ABL2: variants seen among roughly 807,000 people sequenced by gnomAD.
The protein encoded by ABL2 is ABL proto-oncogene 2, non-receptor tyrosine kinase, also known as tyrosine-protein kinase ABL2.
A neutral mutation model predicts 107.7 loss-of-function variants in ABL2; 49 were observed. That is an observed-to-expected ratio of 0.45 (90% CI 0.36 to 0.58). ABL2 has a LOEUF of 0.58. Among genes scored for constraint, ABL2 ranks in the 20% least tolerant of loss-of-function variants. The probability of loss-of-function intolerance (pLI) is 0.00; values close to 1 mark genes in which losing one functional copy is unlikely to be tolerated. For missense variants in ABL2, 1,245 were observed against 1,457.0 expected, an observed-to-expected ratio of 0.85 and a Z score of 2.37; for synonymous variants, 549 against 548.6, an observed-to-expected ratio of 1.00 and a Z score of -0.01.
At chr1:179,136,709 A>AAATAAAT (rs1657031861) in intron 1 of ABL2, among the ~76,000 whole-genome samples, 13 of 140,642 alleles carry the variant, frequency 9.2e-5, no homozygotes, top group Non-Finnish European at 1.8e-4. Flanking sequence ...TGATCAATAA[A>AAATAAAT]AAATAAATAA....
intron 1 of ABL2, among the ~76,000 whole-genome samples, chr1:179,168,789 T>C (rs1659541825): frequency 1.3e-5 from 2 of 152,076 alleles, no homozygotes; most frequent in Non-Finnish European, 2.9e-5. Context: ...AGGAAGTATG[T>C]GAACAAAAAA....
At chr1:179,124,977 T>G (rs1655606076) in intron 4 of ABL2, among the ~76,000 whole-genome samples, 1 of 152,194 alleles carries the variant, frequency 6.6e-6, no homozygotes, top group Non-Finnish European at 1.5e-5. Flanking sequence ...CTCATATCTA[T>G]TAGGAGTCCT....
At chr1:179,208,193 G>T (rs1043495580) in intron 1 of ABL2, among the ~76,000 whole-genome samples, 1 of 152,088 alleles carries the variant, frequency 6.6e-6, no homozygotes, top group African/African-American at 2.4e-5. Context: ...TACATGTGCA[G>T]ATTTGTCACA....
At position 179,131,342 on chromosome 1, in the gene ABL2, T is replaced by G. The variant is rs779203285; in HGVS notation, c.360A>C (p.Ala120=). The change falls in exon 3 of 12, where the codon GCA becomes GCC. Residue 120 remains alanine (A), a synonymous_variant. Transcript: ENST00000502732. ...TGATGCTGAGTGTGTTATCACCACT[T>G]GCTACAAAATCATAAAGTGCAACGA... ...NLFVALYDFV[A]SGDNTLSITK... 1 of 1,614,094 alleles carries G rather than the reference T, an allele frequency of 6.2e-7. No individual in the cohort carries two copies. Among genetic ancestry groups the G allele is most frequent in the Non-Finnish European group, 8.5e-7 (1 of 1,179,982 alleles).
chr1:179,212,568 AC>A (rs1218147375), intron 1 of ABL2, among the ~76,000 whole-genome samples: 1 of 151,726 alleles, frequency 6.6e-6, no homozygotes, highest in African/African-American at 2.4e-5. Flanking sequence ...CCCTGTCTCT[AC>A]TACAAATAAC....
At chr1:179,221,366 G>A (rs1409788929) in intron 1 of ABL2, among the ~76,000 whole-genome samples, 1 of 152,154 alleles carries the variant, frequency 6.6e-6, no homozygotes, top group Non-Finnish European at 1.5e-5. Flanking sequence ...CAAGGCAGGT[G>A]AATTACTTGA....
In ABL2 at chr1:179,120,083, C is replaced by T. The variant is rs555415912; in HGVS notation, c.1045+107G>A. The T allele has an allele frequency of 2.8e-4, 184 of 656,410 alleles. No individual in the cohort carries two copies. The South Asian group carries it at 4.1e-3, about 15-fold the overall frequency. 40.7% of individuals were successfully genotyped at this position (656,410 alleles called of 1,614,324 possible). On this transcript the variant is annotated intron_variant, in intron 6 of 11. Transcript: ENST00000502732. ...CAGCAGCCTGGACAACAGAGCGAGA[C>T]CCTGTCTCTATATTTAAAAAGAAAA...
intron 1 of ABL2, among the ~76,000 whole-genome samples, chr1:179,163,661 C>T (rs764443429): frequency 3.9e-5 from 6 of 152,064 alleles, no homozygotes; most frequent in Non-Finnish European, 7.4e-5. Context: ...GCAGGAGAAT[C>T]GCTTGAACCC....
At chr1:179,193,190 T>A (rs1286522356) in intron 1 of ABL2, among the ~76,000 whole-genome samples, 2 of 151,646 alleles carry the variant, frequency 1.3e-5, no homozygotes, top group African/African-American at 4.8e-5. Context: ...AGAAAAAAAA[T>A]ATAATAATCT....
intron 1 of ABL2, among the ~76,000 whole-genome samples, chr1:179,228,501 C>T (rs1204959195): frequency 1.3e-5 from 2 of 152,122 alleles, no homozygotes; most frequent in Admixed American, 6.5e-5. Flanking sequence ...CACACGCACA[C>T]ACTACAAAGG....
In ABL2 at chr1:179,105,439, CCTTAAAAGGCTAG is replaced by C; in HGVS notation, c.*2266_*2278del. The C allele has an allele frequency of 4.3e-6, 1 of 231,168 alleles. No homozygotes were observed. The highest frequency in any genetic ancestry group is 5.6e-5 in the Admixed American group (1 of 17,754). The allele number at this position is 231,168 out of a possible 1,614,324, so 14.3% of individuals were successfully genotyped here. A position where few individuals can be genotyped will look rare whatever the true frequency, so the allele number is the denominator to read the frequency against. On this transcript the variant is annotated 3_prime_UTR_variant, in exon 12 of 12. Coordinates refer to ENST00000502732, the MANE Select transcript of ABL2 (RefSeq NM_007314.4). Reference sequence around the variant, plus strand: ...ACAGTTTTAGCTTTCCCATCCTCGACCTTAAAAGGCTAGCTGCTAAAACGAGTTCTTCAAGTTT... The same window carrying C: ...ACAGTTTTAGCTTTCCCATCCTCGACCTGCTAAAACGAGTTCTTCAAGTTT...
chr1:179,103,308 A>G lies in ABL2; in HGVS notation c.*4410T>C, dbSNP rs565383604. On this transcript the variant is annotated 3_prime_UTR_variant, in exon 12 of 12. Transcript: ENST00000502732. ...TAAATGACAGAGGTGATTCTTACGT[A>G]TCTACATTTTCAGGTACCCCACAGG... The G allele has an allele frequency of 5.3e-5, 11 of 206,948 alleles. No homozygotes were observed. The South Asian group carries it at 7.6e-4, about 14-fold the overall frequency. The allele number at this position is 206,948 out of a possible 1,614,324, so 12.8% of individuals were successfully genotyped here. A position where few individuals can be genotyped will look rare whatever the true frequency, so the allele number is the denominator to read the frequency against.
At chr1:179,135,197 T>C (rs1198817051) in intron 1 of ABL2, among the ~76,000 whole-genome samples, 2 of 150,280 alleles carry the variant, frequency 1.3e-5, no homozygotes, top group Admixed American at 6.6e-5. Context: ...GCCCATCGTC[T>C]GGGATGTGAG....
intron 1 of ABL2, among the ~76,000 whole-genome samples, chr1:179,208,761 A>C (rs28991593): frequency 6.6e-6 from 1 of 152,182 alleles, no homozygotes; most frequent in African/African-American, 2.4e-5. Flanking sequence ...TAGTAGGATA[A>C]TGTGTCTGAC....
intron 4 of ABL2, among the ~76,000 whole-genome samples, chr1:179,124,625 T>G (rs1655571863): frequency 6.6e-6 from 1 of 152,126 alleles, no homozygotes; most frequent in Non-Finnish European, 1.5e-5. Flanking sequence ...CGTGCCACCA[T>G]GCCAGGCCAA....
At chr1:179,137,615 T>C (rs1358147167) in intron 1 of ABL2, 2 of 152,150 alleles carry the variant, frequency 1.3e-5, no homozygotes, top group African/African-American at 4.8e-5. Context: ...TTAGAAATAG[T>C]AATAAGCAGA....
At chr1:179,175,489 A>G (rs1315085314) in intron 1 of ABL2, among the ~76,000 whole-genome samples, 1 of 152,228 alleles carries the variant, frequency 6.6e-6, no homozygotes, top group African/African-American at 2.4e-5. Context: ...ATGTTTCACA[A>G]TAATAAAAGC....
rs750851024 is a variant in ABL2, at chr1:179,108,261, AGGGTCT to A, written c.3000_3005del (p.Asp1001_Pro1002del). The A allele has an allele frequency of 3.7e-6, 6 of 1,612,106 alleles. No homozygotes were observed. Among genetic ancestry groups the A allele is most frequent in the Non-Finnish European group, 5.1e-6 (6 of 1,179,484 alleles). ...CAGTTAGGGCAGTTGGCTCTTCTGT[AGGGTCT>A]GAGCAGATGGACGGATGCTGCAGTA... On this transcript the variant is annotated inframe_deletion, in exon 12 of 12. Transcript: ENST00000502732.
At chr1:179,116,448 A>G (rs558138511) in intron 8 of ABL2, among the ~76,000 whole-genome samples, 18 of 152,326 alleles carry the variant, frequency 1.2e-4, no homozygotes, top group African/African-American at 3.1e-4. Flanking sequence ...CTCCAATGCA[A>G]TAAGAGATCT....
Sources: gnomAD v4.1 joint callset for allele counts (sites outside exome capture counted in the v4.1 genomes callset) on GRCh38, gnomAD v4.1.1 for gene constraint, MANE v1.5 for transcripts, NCBI Gene and HGNC (gene_info 2026-07-23, HGNC 2026-07-21) for gene names.